ELMO1: variants seen among roughly 807,000 people sequenced by gnomAD.
ELMO1 encodes the protein engulfment and cell motility 1.
A neutral mutation model predicts 98.9 loss-of-function variants in ELMO1; 26 were observed. That is an observed-to-expected ratio of 0.26 (90% CI 0.19 to 0.36). The LOEUF is 0.36. ELMO1 is among the 10% of genes least tolerant of loss of function. The pLI, the probability that ELMO1 is intolerant of heterozygous loss-of-function variation, is 1.00. For missense variants in ELMO1, 627 were observed against 935.2 expected, an observed-to-expected ratio of 0.67 and a Z score of 4.30; for synonymous variants, 346 against 346.0, an observed-to-expected ratio of 1.00 and a Z score of 0.00.
Position 37,216,648 on chromosome 7 carries a change from T to G in ELMO1, c.828A>C (p.Leu276Phe). The change falls in exon 11 of 22, where the codon TTA becomes TTC. Residue 276 changes from leucine to phenylalanine, a missense_variant. Around this residue, in one of 3 missense-constraint regions of ELMO1, gnomAD observed 492 missense variants for 715.6 expected, o/e 0.69. Coordinates refer to ENST00000310758, the MANE Select transcript of ELMO1 (RefSeq NM_014800.11). ...GTCACAGCGCATAGGTACTCACTGT[T>G]AAAATGATGGAACGCAGTTGCTTCT... ...LAQKQLRSII[L>F]THVIRAQRAI... 5 of 1,614,100 alleles carry G rather than the reference T, an allele frequency of 3.1e-6. No individual in the cohort carries two copies. The highest frequency in any genetic ancestry group is 4.2e-6 in the Non-Finnish European group (5 of 1,179,978).
At chr7:37,054,511 G>A (rs539750243) in intron 15 of ELMO1, among the ~76,000 whole-genome samples, 10 of 152,116 alleles carry the variant, frequency 6.6e-5, no homozygotes, top group African/African-American at 2.4e-4. Flanking sequence ...AGTTTCAAGG[G>A]GCCATTTTGC....
At chr7:37,397,003 A>T (rs567005638) in intron 1 of ELMO1, among the ~76,000 whole-genome samples, 2 of 152,344 alleles carry the variant, frequency 1.3e-5, no homozygotes, top group African/African-American at 4.8e-5. Context: ...CTACCTGTCT[A>T]CCTGATAGCT....
At chr7:36,983,622 C>T (rs1791254683) in intron 16 of ELMO1, among the ~76,000 whole-genome samples, 1 of 152,134 alleles carries the variant, frequency 6.6e-6, no homozygotes, top group Admixed American at 6.5e-5. Flanking sequence ...AACTTAGTCC[C>T]ATTAGGGCTG....
chr7:37,346,253 C>G (rs922458034), intron 1 of ELMO1, among the ~76,000 whole-genome samples: 2 of 152,204 alleles, frequency 1.3e-5, no homozygotes, highest in African/African-American at 2.4e-5. Context: ...CTGTGTGTCC[C>G]TGCACACCTA....
intron 5 of ELMO1, among the ~76,000 whole-genome samples, chr7:37,263,512 T>TC (rs1796084769): frequency 6.6e-6 from 1 of 152,136 alleles, no homozygotes; most frequent in Non-Finnish European, 1.5e-5. Context: ...AAAAATCAAA[T>TC]ATTGATGTTT....
intron 14 of ELMO1, among the ~76,000 whole-genome samples, chr7:37,107,594 TCTC>T (rs1158694449): frequency 6.6e-6 from 1 of 152,154 alleles, no homozygotes. Context: ...ATGCCTCACA[TCTC>T]CTTCACCGGA....
chr7:36,923,097 C>G (rs1785273720), intron 16 of ELMO1, among the ~76,000 whole-genome samples: 1 of 152,220 alleles, frequency 6.6e-6, no homozygotes, highest in South Asian at 2.1e-4. Flanking sequence ...CATGGAAGCT[C>G]CTTCTGTGGG....
rs376212736 is a variant in ELMO1 at position 36,859,168 on chromosome 7, C to A, written c.1983+2491G>T. Reference sequence around the variant, plus strand: ...GGAAACATGTCAACCAACTGCAATGCATGGATCTTATTTGCATTCTGACTT... The same window carrying A: ...GGAAACATGTCAACCAACTGCAATGAATGGATCTTATTTGCATTCTGACTT... On this transcript the variant is annotated intron_variant, in intron 21 of 21. Transcript: ENST00000310758. Among the ~76,000 whole-genome samples, 9 of 152,182 alleles carry A rather than the reference C, an allele frequency of 5.9e-5. No individual in the cohort carries two copies. In the South Asian group the frequency reaches 1.5e-3, roughly 25 times the overall value.
At chr7:37,092,431 G>T (rs975695712) in intron 15 of ELMO1, among the ~76,000 whole-genome samples, 59 of 144,380 alleles carry the variant, frequency 4.1e-4, no homozygotes, top group African/African-American at 1.3e-3. Context: ...CAGGCTGGAG[G>T]GCAGTGGTGC....
At chr7:37,113,860 C>T (rs113810244) in intron 14 of ELMO1, among the ~76,000 whole-genome samples, 183 of 152,244 alleles carry the variant, frequency 1.2e-3, no homozygotes, top group African/African-American at 3.4e-3. Flanking sequence ...AGAGGGCAGC[C>T]GTTTACAAGC....
At chr7:37,164,058 C>T (rs1192887184) in intron 13 of ELMO1, among the ~76,000 whole-genome samples, 2 of 152,072 alleles carry the variant, frequency 1.3e-5, no homozygotes, top group South Asian at 2.1e-4. Context: ...TATCCCATTG[C>T]GGTTTTGATT....
chr7:36,989,913 C>T (rs565720221), intron 16 of ELMO1, among the ~76,000 whole-genome samples: 1 of 152,246 alleles, frequency 6.6e-6, no homozygotes, highest in African/African-American at 2.4e-5. Context: ...TCCTGAAAAA[C>T]TCATTTTTAA....
intron 1 of ELMO1, among the ~76,000 whole-genome samples, chr7:37,426,228 ACTG>A (rs1313588783): frequency 1.5e-5 from 2 of 133,632 alleles, no homozygotes; most frequent in Non-Finnish European, 3.0e-5. Context: ...ATCTTGGGTC[ACTG>A]CAACCTCTGC....
chr7:37,244,242 A>T, intron 7 of ELMO1, 114 bp downstream of exon 7: 1 of 1,071,230 alleles, frequency 9.3e-7, no homozygotes, highest in East Asian at 2.6e-5. Context: ...ACAAAAAATC[A>T]CTTATTCAAA....
chr7:37,200,168 G>A (rs1182716217), intron 13 of ELMO1, among the ~76,000 whole-genome samples: 1 of 152,004 alleles, frequency 6.6e-6, no homozygotes. Context: ...TGACCTTCTG[G>A]GCTCAAGAGA....
At chr7:37,441,184 G>T (rs192946766) in intron 1 of ELMO1, among the ~76,000 whole-genome samples, 1 of 151,882 alleles carries the variant, frequency 6.6e-6, no homozygotes, top group Non-Finnish European at 1.5e-5. Flanking sequence ...AAGGGTGGAG[G>T]GTTGCTATAG....
intron 15 of ELMO1, among the ~76,000 whole-genome samples, chr7:37,048,199 T>C (rs1795907400): frequency 6.6e-6 from 1 of 152,208 alleles, no homozygotes; most frequent in African/African-American, 2.4e-5. Flanking sequence ...CCCCACTGAA[T>C]GCCAGTAGCA....
At chr7:37,333,915 A>G (rs1490545762) in intron 2 of ELMO1, among the ~76,000 whole-genome samples, 2 of 152,210 alleles carry the variant, frequency 1.3e-5, no homozygotes, top group African/African-American at 4.8e-5. Context: ...TTTTAGGACC[A>G]TTTCCCTCAT....
At chr7:37,396,552 G>A (rs1368830357) in intron 1 of ELMO1, among the ~76,000 whole-genome samples, 4 of 152,124 alleles carry the variant, frequency 2.6e-5, no homozygotes, top group African/African-American at 4.8e-5. Context: ...TTTTCTAATG[G>A]ACAAGAATCA....
Sources: gnomAD v4.1 joint callset for allele counts (sites outside exome capture counted in the v4.1 genomes callset) on GRCh38, gnomAD v4.1.1 for gene constraint, gnomAD v4.1.1 regional missense constraint, MANE v1.5 for transcripts, NCBI Gene and HGNC (gene_info 2026-07-23, HGNC 2026-07-21) for gene names.